The following UMODL1 variants were observed in gnomAD, a reference collection of about 807,000 sequenced individuals.
The protein encoded by UMODL1 is uromodulin-like 1.
A neutral mutation model predicts 136.3 loss-of-function variants in UMODL1; 128 were observed. The ratio of observed to expected loss-of-function variants is 0.94; its 90% confidence interval spans 0.81 to 1.09. UMODL1 has a LOEUF of 1.09. Among genes scored for constraint, UMODL1 ranks in the 50% least tolerant of loss-of-function variants. UMODL1 has a pLI of 0.00. For missense variants in UMODL1, 1,766 were observed against 1,725.6 expected (o/e 1.02, Z -0.41); for synonymous variants, 721 against 720.0 (o/e 1.00, Z -0.02).
At chr21:42,078,977 C>T (rs561597717) in intron 2 of UMODL1, among the ~76,000 whole-genome samples, 4 of 152,282 alleles carry the variant, frequency 2.6e-5, no homozygotes, top group East Asian at 1.9e-4. Flanking sequence ...TAGGGGATAG[C>T]GGGGGGCCAT....
chr21:42,085,427 C>CAGA lies in UMODL1; in HGVS notation c.603+15_603+16insAGA. The CAGA allele has an allele frequency of 6.2e-7, 1 of 1,613,458 alleles. No individual in the cohort carries two copies. The highest frequency in any genetic ancestry group is 1.1e-5 in the South Asian group (1 of 91,066). On this transcript the variant is annotated intron_variant, in intron 4 of 22. Coordinates refer to ENST00000408910, the MANE Select transcript of UMODL1 (RefSeq NM_001004416.3). This position sits in a 1 kb window ranked among gnomAD's most constrained non-coding sequence, Gnocchi z 4.5. ...TGCATTCCTTGGTAGGTGAGACAGA[C>CAGA]GGGGGCTGCCTGCACCCTCCTTGTG...
Position 42,131,730 on chromosome 21 carries a change from T to TCCCA in UMODL1, c.3775+1934_3775+1937dup, listed in dbSNP as rs1330614655. ...GGGAAACTAAAAAAGTAGACACAGG[T>TCCCA]CCCAGGCCACACCCCAGGCCTACAC... On this transcript the variant is annotated intron_variant, in intron 21 of 22. Transcript: ENST00000408910. Among the ~76,000 whole-genome samples the TCCCA allele has an allele frequency of 2.6e-5, 4 of 151,328 alleles. No homozygotes were observed. In the East Asian group the frequency reaches 7.9e-4, roughly 30 times the overall value.
chr21:42,117,275 A>T (rs749223690), intron 14 of UMODL1, among the ~76,000 whole-genome samples: 1 of 152,248 alleles, frequency 6.6e-6, no homozygotes, highest in Non-Finnish European at 1.5e-5. Flanking sequence ...AGCATGTGTC[A>T]GCACTGGATT....
chr21:42,076,209 G>A lies in UMODL1; in HGVS notation c.281G>A (p.Cys94Tyr). Reference sequence around the variant, plus strand: ...GAGTCCAGGAACGTGACTGACTGCTGTGAGGGCTATGAACAGCTCGGCCTC... The same window carrying A: ...GAGTCCAGGAACGTGACTGACTGCTATGAGGGCTATGAACAGCTCGGCCTC... ...VPESRNVTDC[C>Y]EGYEQLGLYC... The change falls in exon 2 of 23, where the codon TGT becomes TAT. Residue 94 changes from cysteine (C) to tyrosine (Y), a missense_variant. Transcript: ENST00000408910. 1 of 1,614,260 alleles carries A rather than the reference G, an allele frequency of 6.2e-7. No homozygotes were observed. Among genetic ancestry groups the A allele is most frequent in the Non-Finnish European group, 8.5e-7 (1 of 1,180,042 alleles).
chr21:42,068,237 C>T (rs148907271), upstream of UMODL1, among the ~76,000 whole-genome samples: 17 of 152,306 alleles, frequency 1.1e-4, no homozygotes, highest in Admixed American at 7.2e-4. The surrounding 1 kb of genome is among the most constrained non-coding windows in gnomAD (Gnocchi z 5.5). Context: ...CAGGAGGACA[C>T]GGTCCCGTCC....
chr21:42,084,071 C>T lies in UMODL1; in HGVS notation c.320-13C>T. ...TTATCGCCAGTATCATTAATTGTAT[C>T]ATTTTCTCCCAGCCCTGAATCAGTC... is the stretch of plus-strand genomic sequence containing the variant. On this transcript the variant is annotated splice_polypyrimidine_tract_variant and intron_variant, in intron 2 of 22. Transcript: ENST00000408910. 2 of 1,609,270 alleles carry T rather than the reference C, an allele frequency of 1.2e-6. No homozygotes were observed. Among genetic ancestry groups the T allele is most frequent in the Non-Finnish European group, 1.7e-6 (2 of 1,176,960 alleles).
chr21:42,130,644 A>G (rs73373660), intron 21 of UMODL1, among the ~76,000 whole-genome samples: 8,227 of 152,134 alleles, frequency 0.054, 356 homozygotes, highest in East Asian at 0.23. Context: ...ACGTAAGTGG[A>G]AAAGTCATGT....
intron 1 of UMODL1, among the ~76,000 whole-genome samples, chr21:42,075,119 C>T (rs955160647): frequency 9.9e-5 from 15 of 152,088 alleles, no homozygotes; most frequent in African/African-American, 3.1e-4. Flanking sequence ...AGGGTGGTCT[C>T]GATCTCCTGA....
intron 22 of UMODL1, among the ~76,000 whole-genome samples, chr21:42,140,502 G>A (rs186357070): frequency 9.3e-5 from 14 of 150,896 alleles, no homozygotes; most frequent in Admixed American, 7.3e-4. Context: ...TTGGCTCTGG[G>A]GTCAGCTCTC....
At chr21:42,103,670 G>A (rs569105258) in intron 8 of UMODL1, 198 bp from the exon 9 acceptor site, 17 of 716,396 alleles carry the variant, frequency 2.4e-5, no homozygotes, top group South Asian at 1.8e-4. Context: ...GGCCAGGCCC[G>A]GCCGTCCCAG....
chr21:42,120,848 C>G (rs1385100734), intron 15 of UMODL1: 1 of 429,964 alleles, frequency 2.3e-6, no homozygotes, highest in Non-Finnish European at 4.1e-6. Context: ...CCAGATCCCC[C>G]TCCCAGCCCT....
At chr21:42,095,126 G>T (rs1270991326) in intron 6 of UMODL1, among the ~76,000 whole-genome samples, 2 of 57,732 alleles carry the variant, frequency 3.5e-5, no homozygotes, top group African/African-American at 5.3e-5. Flanking sequence ...ACAGGGTCTT[G>T]CTCTGTCACT....
rs1164525580 is a variant in UMODL1 at position 42,099,869 on chromosome 21, T to C, written c.1186+689T>C. Among the ~76,000 whole-genome samples, 2 of 152,122 alleles carry C rather than the reference T, an allele frequency of 1.3e-5. No homozygotes were observed. The highest frequency in any genetic ancestry group is 4.8e-5 in the African/African-American group (2 of 41,424). Reference sequence around the variant, plus strand: ...CTAAATTTTTTATTTTTCATAAGGATGGAGTCTTGCCATGTTGCTCAGGCT... The same window carrying C: ...CTAAATTTTTTATTTTTCATAAGGACGGAGTCTTGCCATGTTGCTCAGGCT... On this transcript the variant is annotated intron_variant, in intron 7 of 22. Transcript: ENST00000408910. This position sits in a 1 kb window ranked among gnomAD's most constrained non-coding sequence, Gnocchi z 4.1.
At chr21:42,111,187 G>T in intron 11 of UMODL1, 66 bp downstream of exon 11, 1 of 1,551,064 alleles carries the variant, frequency 6.4e-7, no homozygotes, top group Non-Finnish European at 8.7e-7. Context: ...ACCCCAGCCA[G>T]GGGAGCCCCA....
At chr21:42,140,429 G>A (rs2067266368) in intron 22 of UMODL1, among the ~76,000 whole-genome samples, 1 of 151,802 alleles carries the variant, frequency 6.6e-6, no homozygotes, top group Non-Finnish European at 1.5e-5. Context: ...GGGCAGGAAG[G>A]GATAGGCCTC....
intron 1 of UMODL1, among the ~76,000 whole-genome samples, chr21:42,064,307 C>T (rs764790179): frequency 1.3e-5 from 2 of 152,228 alleles, no homozygotes; most frequent in African/African-American, 4.8e-5. Context: ...GCCCCTTCCC[C>T]CGAGGAGGAG....
intron 22 of UMODL1, 42 bp downstream of exon 22, chr21:42,137,683 G>T: frequency 3.2e-6 from 3 of 948,800 alleles, no homozygotes; most frequent in Non-Finnish European, 4.4e-6. Flanking sequence ...TGACAGGAAG[G>T]TGGGTGTGGA....
chr21:42,080,105 AC>A (rs1365123507), intron 2 of UMODL1, among the ~76,000 whole-genome samples: 1 of 151,914 alleles, frequency 6.6e-6, no homozygotes, highest in East Asian at 1.9e-4. Flanking sequence ...GCGGATTTAC[AC>A]CCCGGATTTT....
upstream of UMODL1, among the ~76,000 whole-genome samples, chr21:42,067,926 G>A (rs778435062): frequency 2.0e-5 from 3 of 152,236 alleles, no homozygotes; most frequent in Admixed American, 6.5e-5. Context: ...TAAGAAAGCC[G>A]AGCTTCTTCA....
Sources: allele counts gnomAD v4.1 joint callset (sites outside exome capture counted in the v4.1 genomes callset), GRCh38; gene constraint gnomAD v4.1.1; non-coding constraint Gnocchi (gnomAD v3.1); transcripts MANE v1.5; gene names NCBI Gene and HGNC (gene_info 2026-07-23, HGNC 2026-07-21).